The following RANBP3 variants were observed in gnomAD, a reference collection of about 807,000 sequenced individuals.
RANBP3 encodes ran-binding protein 3.
Under a neutral mutation model 77.3 loss-of-function variants are expected in RANBP3, and 14 were observed. That is an observed-to-expected ratio of 0.18 (90% CI 0.12 to 0.28). The LOEUF is 0.28. Ranked by LOEUF, RANBP3 falls within the 10% of genes least tolerant of loss-of-function variation. The pLI is 1.00. For synonymous variants in RANBP3, 315 were observed against 312.4 expected, an observed-to-expected ratio of 1.01 and a Z score of -0.09; for missense variants, 586 against 752.3, an observed-to-expected ratio of 0.78 and a Z score of 2.59.
At chr19:5,939,744 G>A (rs1048201015) in intron 5 of RANBP3, among the ~76,000 whole-genome samples, 2 of 111,444 alleles carry the variant, frequency 1.8e-5, no homozygotes, top group Admixed American at 2.0e-4. Flanking sequence ...AGTCTTTCCC[G>A]AGAACAGCAA....
At chr19:5,948,803 A>AT (rs553539500) in intron 3 of RANBP3, among the ~76,000 whole-genome samples, 8 of 152,110 alleles carry the variant, frequency 5.3e-5, no homozygotes, top group Non-Finnish European at 1.0e-4. Flanking sequence ...TCTAATAAAC[A>AT]TATCTGAAGC....
Position 5,921,175 on chromosome 19 carries a change from C to T in RANBP3, c.1330+26G>A, listed in dbSNP as rs768051250. The T allele has an allele frequency of 6.2e-7, 1 of 1,601,032 alleles. No individual in the cohort carries two copies. The highest frequency in any genetic ancestry group is 8.5e-7 in the Non-Finnish European group (1 of 1,174,942). On this transcript the variant is annotated intron_variant, in intron 14 of 16. Transcript: ENST00000340578. The surrounding 1 kb of genome is among the most constrained non-coding windows in gnomAD (Gnocchi z 5.3). ...CCAGCCCTCCCCATGGGGACCCGGC[C>T]ACAGCCCCCGCCGTCGGCAGCTCAC... is the stretch of plus-strand genomic sequence containing the variant.
chr19:5,932,182 G>A (rs1446815933), intron 7 of RANBP3, among the ~76,000 whole-genome samples: 1 of 152,232 alleles, frequency 6.6e-6, no homozygotes. Flanking sequence ...GACAGTGAAT[G>A]AACAAAGCAG....
At chr19:5,955,705 T>C (rs930338506) in intron 2 of RANBP3, among the ~76,000 whole-genome samples, 2 of 152,250 alleles carry the variant, frequency 1.3e-5, no homozygotes, top group East Asian at 1.9e-4. Flanking sequence ...GTTGGCAAAC[T>C]GTTTTCTGCA....
chr19:5,949,291 C>T (rs985300139), intron 3 of RANBP3, among the ~76,000 whole-genome samples: 5 of 152,254 alleles, frequency 3.3e-5, no homozygotes, highest in African/African-American at 4.8e-5. Context: ...CAGTTGGCAT[C>T]GGGTTCCATC....
chr19:5,943,108 T>A (rs1166655880), intron 3 of RANBP3, among the ~76,000 whole-genome samples: 1 of 152,214 alleles, frequency 6.6e-6, no homozygotes, highest in East Asian at 1.9e-4. Context: ...TCTCAGAATT[T>A]AGCAGCCCAA....
At chr19:5,932,590 GC>G (rs2145089036) in intron 6 of RANBP3, 46 bp from the exon 7 acceptor site, 1 of 1,512,020 alleles carries the variant, frequency 6.6e-7, no homozygotes, top group Non-Finnish European at 9.2e-7. Context: ...ACCCCTGCCT[GC>G]CCCCAGGCGC....
In RANBP3 at chr19:5,924,221, GTAC is replaced by G; in HGVS notation, c.997-310_997-308del. On this transcript the variant is annotated intron_variant, in intron 11 of 16. Coordinates refer to ENST00000340578, the MANE Select transcript of RANBP3 (RefSeq NM_007322.3). This position sits in a 1 kb window ranked among gnomAD's most constrained non-coding sequence, Gnocchi z 4.7. ...GCCACGAAGGAAGAGAAGCTGCAGAGTACTTAATGCAGCCTAACTCCAGACAGA... is the reference window on the plus strand; with the variant it reads ...GCCACGAAGGAAGAGAAGCTGCAGAGTTAATGCAGCCTAACTCCAGACAGA... 6.6e-6 allele frequency among the ~76,000 whole-genome samples: 1 copy of G among 152,250 alleles called. No individual in the cohort carries two copies. The highest frequency in any genetic ancestry group is 1.5e-5 in the Non-Finnish European group (1 of 68,042).
chr19:5,957,999 T>G (rs1359758538), intron 1 of RANBP3, 26 bp from the exon 2 acceptor site: 1 of 1,610,374 alleles, frequency 6.2e-7, no homozygotes, highest in Non-Finnish European at 8.5e-7. Flanking sequence ...TTAGTTTTTT[T>G]CCCCCCAACA....
rs1344119768 is a variant in RANBP3, at chr19:5,924,727, C to A, written c.996+100G>T. On this transcript the variant is annotated intron_variant, in intron 11 of 16. Transcript: ENST00000340578. The surrounding 1 kb of genome is among the most constrained non-coding windows in gnomAD (Gnocchi z 4.7). ...TGCTACTGAAGGCATCCCCATCTCA[C>A]ATAGGACGACACAGCAGCCCTGCTC... 2.4e-6 allele frequency: 3 copies of A among 1,228,728 alleles called. No homozygotes were observed. Among genetic ancestry groups the A allele is most frequent in the Non-Finnish European group, 3.6e-6 (3 of 835,090 alleles). 76.1% of individuals were successfully genotyped at this position (1,228,728 alleles called of 1,614,324 possible). A position where few individuals can be genotyped will look rare whatever the true frequency, so the allele number is the denominator to read the frequency against.
At chr19:5,933,785 T>G (rs532249344) in intron 5 of RANBP3, 1 of 283,890 alleles carries the variant, frequency 3.5e-6, no homozygotes, top group African/African-American at 2.2e-5. Context: ...GGAGCCGAGC[T>G]GCTCAGCGGC....
In RANBP3 at chr19:5,952,148, C is replaced by T. The variant is rs951181274; in HGVS notation, c.79-552G>A. ...GTTCTTCTAGCACTTTCCATTTGTT[C>T]TGCTTACACCCAGGATCCAGAAAGT... On this transcript the variant is annotated intron_variant, in intron 2 of 16. Coordinates refer to ENST00000340578, the MANE Select transcript of RANBP3 (RefSeq NM_007322.3). This position sits in a 1 kb window ranked among gnomAD's most constrained non-coding sequence, Gnocchi z 4.1. 3.3e-5 allele frequency among the ~76,000 whole-genome samples: 5 copies of T among 152,150 alleles called. No homozygotes were observed. The highest frequency in any genetic ancestry group is 1.2e-4 in the African/African-American group (5 of 41,438).
rs118059346 is a variant in RANBP3, at chr19:5,928,526, T to C, written c.694-439A>G. On this transcript the variant is annotated intron_variant, in intron 8 of 16. Transcript: ENST00000340578. ...TACATGGATCAGAGAAGAGAGCAGC[T>C]TGTGGGACACGGAAGTGCGATTCCA... The C allele has an allele frequency of 6.3e-3, 968 of 153,782 alleles. 5 individuals carry two copies. The highest frequency in any genetic ancestry group is 0.011 in the Non-Finnish European group (735 of 69,606). The allele number at this position is 153,782 out of a possible 1,614,324, so 9.5% of individuals were successfully genotyped here. A position where few individuals can be genotyped will look rare whatever the true frequency, so the allele number is the denominator to read the frequency against.
chr19:5,942,559 A>G (rs1281998020), intron 3 of RANBP3, among the ~76,000 whole-genome samples: 1 of 152,164 alleles, frequency 6.6e-6, no homozygotes, highest in Non-Finnish European at 1.5e-5. Context: ...AAAAAAAAGT[A>G]GCTGGGCGTG....
intron 7 of RANBP3, among the ~76,000 whole-genome samples, chr19:5,931,949 C>T (rs1478935578): frequency 6.6e-6 from 1 of 151,996 alleles, no homozygotes; most frequent in Non-Finnish European, 1.5e-5. Flanking sequence ...GTGGGAGGAT[C>T]GCTTGAGCCC....
intron 14 of RANBP3, among the ~76,000 whole-genome samples, chr19:5,920,587 G>A (rs1017631469): frequency 3.9e-5 from 6 of 151,922 alleles, no homozygotes; most frequent in African/African-American, 9.7e-5. Context: ...TTGGTCTGTC[G>A]CCCAGGCTGG....
At chr19:5,963,650 C>T (rs969425099) in intron 1 of RANBP3, among the ~76,000 whole-genome samples, 16 of 152,310 alleles carry the variant, frequency 1.1e-4, no homozygotes, top group African/African-American at 3.9e-4. Context: ...CACAATGAGG[C>T]CTGAGAATGA....
rs372059319 is a variant in RANBP3 at position 5,917,976 on chromosome 19, C to T, written c.1478G>A (p.Ser493Asn). 3 of 1,589,914 alleles carry T rather than the reference C, an allele frequency of 1.9e-6. No individual in the cohort carries two copies. Among genetic ancestry groups the T allele is most frequent in the Non-Finnish European group, 2.6e-6 (3 of 1,164,454 alleles). The change falls in exon 16 of 17, where the codon AGC becomes AAC. Residue 493 changes from serine (S) to asparagine (N), a missense_variant. By Grantham distance (46) the Ser-to-Asn change is conservative. This residue lies in a region of RANBP3 where 128 missense variants were observed against 157.0 expected (regional missense o/e 0.82). Coordinates refer to ENST00000340578, the MANE Select transcript of RANBP3 (RefSeq NM_007322.3). ...ATACAACTGACCTGTGTCCTTGGAG[C>T]TGGCCTGGGAAGGGAGGAGGGTATG... Reference protein sequence around the residue: ...QGVKVFLISASSKDTGQLYAA... With the variant: ...QGVKVFLISANSKDTGQLYAA...
Position 5,917,993 on chromosome 19 carries a change from G to A in RANBP3, c.1474-13C>T. On this transcript the variant is annotated splice_polypyrimidine_tract_variant and intron_variant, in intron 15 of 16. Transcript: ENST00000340578. ...CCTTGGAGCTGGCCTGGGAAGGGAG[G>A]AGGGTATGAGACCCCCGGACCCCAG... 1.3e-6 allele frequency: 2 copies of A among 1,574,936 alleles called. No individual in the cohort carries two copies. The highest frequency in any genetic ancestry group is 2.3e-5 in the South Asian group (2 of 86,308).
Sources: gnomAD v4.1 joint callset for allele counts (sites outside exome capture counted in the v4.1 genomes callset) on GRCh38, gnomAD v4.1.1 for gene constraint, gnomAD v4.1.1 regional missense constraint, Gnocchi (gnomAD v3.1) non-coding constraint, MANE v1.5 for transcripts, NCBI Gene and HGNC (gene_info 2026-07-23, HGNC 2026-07-21) for gene names.